Variants in ADGRL2 observed in about 807,000 individuals in gnomAD.
ADGRL2 encodes calcium-independent alpha-latrotoxin receptor 2.
In ADGRL2, 44 loss-of-function variants were observed where a neutral mutation model predicts 157.4. That is an observed-to-expected ratio of 0.28 (90% CI 0.22 to 0.36). The LOEUF (loss-of-function observed/expected upper bound fraction) is 0.36. Ranked by LOEUF, ADGRL2 falls within the 10% of genes least tolerant of loss-of-function variation. ADGRL2 has a pLI of 1.00. For missense variants in ADGRL2, 1,510 were observed against 1,768.9 expected (o/e 0.85, Z 2.63); for synonymous variants, 585 against 624.7 (o/e 0.94, Z 0.95).
At chr1:81,751,536 G>A (rs1446914351) in intron 1 of ADGRL2, among the ~76,000 whole-genome samples, 1 of 152,062 alleles carries the variant, frequency 6.6e-6, no homozygotes, top group Non-Finnish European at 1.5e-5. Flanking sequence ...TGAAAGCCAT[G>A]GTAAAACTAA....
chr1:81,590,101 G>A (rs1001891938), intron 3 of ADGRL2, among the ~76,000 whole-genome samples: 1 of 152,030 alleles, frequency 6.6e-6, no homozygotes, highest in African/African-American at 2.4e-5. Context: ...AAATACTCTT[G>A]GTCCTTTTGG....
intron 1 of ADGRL2, among the ~76,000 whole-genome samples, chr1:81,403,705 T>C (rs541865128): frequency 1.6e-4 from 24 of 152,242 alleles, no homozygotes; most frequent in African/African-American, 4.3e-4. Flanking sequence ...TTACATACAT[T>C]CTGCAGTGTA....
intron 2 of ADGRL2, among the ~76,000 whole-genome samples, chr1:81,507,458 G>A (rs1260537512): frequency 6.6e-6 from 1 of 152,148 alleles, no homozygotes; most frequent in African/African-American, 2.4e-5. Context: ...TTTACAAATT[G>A]TTTGCTCCTT....
intron 1 of ADGRL2, among the ~76,000 whole-genome samples, chr1:81,443,982 A>T (rs147660188): frequency 3.5e-4 from 54 of 152,344 alleles, no homozygotes; most frequent in African/African-American, 1.2e-3. Flanking sequence ...TACTCTTATC[A>T]GACATCTATC....
intron 2 of ADGRL2, among the ~76,000 whole-genome samples, chr1:81,887,161 T>C (rs1447424138): frequency 6.6e-6 from 1 of 152,136 alleles, no homozygotes; most frequent in African/African-American, 2.4e-5. Flanking sequence ...GAGCTTTGAG[T>C]GTCACTTGAA....
At chr1:81,426,243 A>G (rs2077213403) in intron 1 of ADGRL2, among the ~76,000 whole-genome samples, 1 of 152,144 alleles carries the variant, frequency 6.6e-6, no homozygotes, top group Non-Finnish European at 1.5e-5. Flanking sequence ...CTTGGCCTCC[A>G]GGTATAGGGC....
At chr1:81,408,866 G>C (rs2076900898) in intron 1 of ADGRL2, among the ~76,000 whole-genome samples, 1 of 152,064 alleles carries the variant, frequency 6.6e-6, no homozygotes, top group Admixed American at 6.5e-5. Context: ...ACATGGGAGG[G>C]GCCAAAGAAA....
chr1:81,423,283 C>T lies in ADGRL2; in HGVS notation c.-301-21753C>T, dbSNP rs545405021. Among the ~76,000 whole-genome samples, 7 of 152,272 alleles carry T rather than the reference C, an allele frequency of 4.6e-5. No homozygotes were observed. In the South Asian group the frequency reaches 1.4e-3, roughly 32 times the overall value. ...GCTTTTAGGATTATATAGGACTGTA[C>T]TCATATTCAGGTCAAACTAAAGATA... On this transcript the variant is annotated intron_variant, in intron 1 of 24. Coordinates refer to the ADGRL2 transcript ENST00000370721.
In ADGRL2 at chr1:81,412,104, C is replaced by T. The variant is rs145933021; in HGVS notation, c.-301-32932C>T. Among the ~76,000 whole-genome samples the T allele has an allele frequency of 5.5e-4, 84 of 152,216 alleles. 1 individual carries two copies. The highest frequency in any genetic ancestry group is 2.0e-3 in the African/African-American group (84 of 41,532). The stretch of plus-strand genomic sequence containing the variant: ...CATGCATAAATTCACATAATACTCA[C>T]TATAAGATATACAGTTACTATCCCC... On this transcript the variant is annotated intron_variant, in intron 1 of 24. Transcript: ENST00000370721.
intron 3 of ADGRL2, among the ~76,000 whole-genome samples, chr1:81,584,980 C>G (rs2080995121): frequency 1.3e-5 from 2 of 152,124 alleles, no homozygotes; most frequent in Non-Finnish European, 2.9e-5. Flanking sequence ...CTTAACACAA[C>G]AATCAATTAA....
chr1:81,340,495 A>G (rs987549634), intron 1 of ADGRL2, among the ~76,000 whole-genome samples: 1 of 152,100 alleles, frequency 6.6e-6, no homozygotes, highest in Non-Finnish European at 1.5e-5. Flanking sequence ...GTCCTGGCTG[A>G]ATAGGAAGGG....
At chr1:81,307,460 A>G (rs1244910171) in intron 1 of ADGRL2, among the ~76,000 whole-genome samples, 1 of 152,202 alleles carries the variant, frequency 6.6e-6, no homozygotes, top group Non-Finnish European at 1.5e-5. Flanking sequence ...TTTGACTAGT[A>G]CAAATATAAT....
chr1:81,951,360 T>A (rs1651739703), intron 8 of ADGRL2, among the ~76,000 whole-genome samples: 1 of 152,164 alleles, frequency 6.6e-6, no homozygotes, highest in Non-Finnish European at 1.5e-5. Flanking sequence ...TCATTCATAT[T>A]TAGTTCTGTT....
intron 2 of ADGRL2, among the ~76,000 whole-genome samples, chr1:81,562,003 C>A (rs905506432): frequency 6.6e-6 from 1 of 152,156 alleles, no homozygotes; most frequent in Non-Finnish European, 1.5e-5. Flanking sequence ...TGACTCAAAT[C>A]TTTCTTTAAA....
intron 1 of ADGRL2, among the ~76,000 whole-genome samples, chr1:81,836,170 C>T (rs1172487623): frequency 1.3e-5 from 2 of 151,972 alleles, no homozygotes; most frequent in African/African-American, 2.4e-5. Context: ...GGAAGAGTTC[C>T]CTCCCTGCTG....
chr1:81,580,660 T>C (rs2080889333), intron 2 of ADGRL2, among the ~76,000 whole-genome samples: 1 of 152,190 alleles, frequency 6.6e-6, no homozygotes, highest in East Asian at 1.9e-4. Flanking sequence ...GATTATGTTA[T>C]CCAGCATTGT....
intron 2 of ADGRL2, among the ~76,000 whole-genome samples, chr1:81,791,632 GA>G (rs1415883789): frequency 6.6e-6 from 1 of 150,602 alleles, no homozygotes; most frequent in Non-Finnish European, 1.5e-5. Context: ...TCCAAAAAAA[GA>G]AAAAAAAGGA....
In ADGRL2 at chr1:81,834,769, T is replaced by G. The variant is rs539643137; in HGVS notation, c.-100-2116T>G. Among the ~76,000 whole-genome samples, 70 of 152,278 alleles carry G rather than the reference T, an allele frequency of 4.6e-4. 2 individuals are homozygous for G. The South Asian group carries it at 0.013, about 28-fold the overall frequency. On this transcript the variant is annotated intron_variant, in intron 1 of 23. Coordinates refer to ENST00000686636, the MANE Select transcript of ADGRL2 (RefSeq NM_001366006.2). ...TATTTTTGTAAAAGAAGCCATGATT[T>G]TATACATTCTAGAACCTGTTTCCAT...
chr1:81,922,760 A>G (rs897716854), intron 3 of ADGRL2, among the ~76,000 whole-genome samples: 2 of 152,182 alleles, frequency 1.3e-5, no homozygotes, highest in Non-Finnish European at 2.9e-5. Flanking sequence ...TCATGCCCAT[A>G]GTCCCAGAAC....
Sources: gnomAD v4.1 joint callset for allele counts (sites outside exome capture counted in the v4.1 genomes callset) on GRCh38, gnomAD v4.1.1 for gene constraint, MANE v1.5 for transcripts, NCBI Gene and HGNC (gene_info 2026-07-23, HGNC 2026-07-21) for gene names.